CPQ: variants seen among roughly 807,000 people sequenced by gnomAD.
The protein encoded by CPQ is carboxypeptidase Q.
A neutral mutation model predicts 45.7 loss-of-function variants in CPQ; 37 were observed. The ratio of observed to expected loss-of-function variants is 0.81; its 90% confidence interval spans 0.62 to 1.07. The LOEUF is 1.07. CPQ is among the 50% of genes least tolerant of loss of function. The probability of loss-of-function intolerance (pLI) is 0.00; values close to 1 mark genes in which losing one functional copy is unlikely to be tolerated. For synonymous variants in CPQ, 186 were observed against 205.8 expected (o/e 0.90, Z 0.82); for missense variants, 537 against 572.9 (o/e 0.94, Z 0.64).
chr8:97,123,379 TATATG>T (rs1292946430), intron 7 of CPQ, among the ~76,000 whole-genome samples: 1 of 149,886 alleles, frequency 6.7e-6, no homozygotes, highest in African/African-American at 2.4e-5. Context: ...TAGGAAAAAA[TATATG>T]ATAATAGCAT....
intron 1 of CPQ, among the ~76,000 whole-genome samples, chr8:96,762,955 T>C (rs1231742313): frequency 6.6e-6 from 1 of 152,152 alleles, no homozygotes; most frequent in Non-Finnish European, 1.5e-5. Flanking sequence ...AAAATAGAAA[T>C]ATATTTTTTC....
chr8:96,768,469 G>A (rs977875423), intron 1 of CPQ, among the ~76,000 whole-genome samples: 1 of 152,134 alleles, frequency 6.6e-6, no homozygotes, highest in East Asian at 1.9e-4. Context: ...ATAAGTATGT[G>A]TGTGTTCCCG....
intron 1 of CPQ, among the ~76,000 whole-genome samples, chr8:96,675,952 A>G (rs112126966): frequency 0.024 from 3,682 of 152,042 alleles, 162 homozygotes; most frequent in African/African-American, 0.084. Context: ...GTAAGTTCCA[A>G]TTGGCTTTTT....
At chr8:96,672,527 T>G (rs1194796189) in intron 1 of CPQ, among the ~76,000 whole-genome samples, 1 of 151,332 alleles carries the variant, frequency 6.6e-6, no homozygotes, top group African/African-American at 2.4e-5. Context: ...GATTGGGGAG[T>G]TGTTTCAGTT....
intron 7 of CPQ, among the ~76,000 whole-genome samples, chr8:97,102,383 G>T (rs527721199): frequency 6.6e-6 from 1 of 152,296 alleles, no homozygotes; most frequent in African/African-American, 2.4e-5. Context: ...AGGAATAGGG[G>T]AGAGGTTCTG....
chr8:96,752,238 A>G (rs909887321), intron 1 of CPQ, among the ~76,000 whole-genome samples: 11 of 152,084 alleles, frequency 7.2e-5, no homozygotes, highest in African/African-American at 2.7e-4. Context: ...CATTTTGATG[A>G]TATTGATTCC....
intron 5 of CPQ, among the ~76,000 whole-genome samples, chr8:96,969,576 T>A (rs961136309): frequency 1.3e-5 from 2 of 151,528 alleles, no homozygotes; most frequent in Non-Finnish European, 3.0e-5. Context: ...TAAATAGAAA[T>A]TCCTGAGATG....
chr8:96,750,050 G>T (rs1420789425), intron 1 of CPQ, among the ~76,000 whole-genome samples: 1 of 151,784 alleles, frequency 6.6e-6, no homozygotes, highest in East Asian at 1.9e-4. Context: ...AGGGGTATAT[G>T]ATGTATTATC....
At chr8:97,044,473 T>C (rs1309066467) in intron 6 of CPQ, among the ~76,000 whole-genome samples, 2 of 152,236 alleles carry the variant, frequency 1.3e-5, no homozygotes, top group African/African-American at 4.8e-5. Context: ...TGAAGCCTTC[T>C]TCTCTCAACT....
intron 3 of CPQ, among the ~76,000 whole-genome samples, chr8:96,842,843 G>T (rs1040348103): frequency 6.6e-6 from 1 of 152,056 alleles, no homozygotes; most frequent in South Asian, 2.1e-4. Flanking sequence ...TCTGTAAAAT[G>T]GGGGAAATAT....
chr8:96,937,517 A>T (rs971875803), intron 4 of CPQ, among the ~76,000 whole-genome samples: 1 of 152,118 alleles, frequency 6.6e-6, no homozygotes, highest in Non-Finnish European at 1.5e-5. Flanking sequence ...GCAAGAGAGG[A>T]GATAGTAGTA....
intron 1 of CPQ, among the ~76,000 whole-genome samples, chr8:96,743,382 T>G (rs1338317124): frequency 2.6e-5 from 4 of 151,788 alleles, no homozygotes; most frequent in Non-Finnish European, 5.9e-5. Context: ...TTCTTCTAAA[T>G]TTTTTTCAAA....
chr8:97,063,129 C>T (rs1410670316), intron 6 of CPQ, among the ~76,000 whole-genome samples: 1 of 152,150 alleles, frequency 6.6e-6, no homozygotes, highest in East Asian at 1.9e-4. Context: ...TTCTCCTCAA[C>T]CTCACCAGCA....
At chr8:96,673,527 G>C (rs1489522077) in intron 1 of CPQ, among the ~76,000 whole-genome samples, 2 of 152,148 alleles carry the variant, frequency 1.3e-5, no homozygotes, top group Admixed American at 6.6e-5. Flanking sequence ...ACCGGAAGGG[G>C]TGTGTTGTAA....
intron 2 of CPQ, among the ~76,000 whole-genome samples, chr8:96,790,161 C>T (rs1250217857): frequency 6.6e-6 from 1 of 152,158 alleles, no homozygotes; most frequent in Non-Finnish European, 1.5e-5. Flanking sequence ...AATGAAGTCA[C>T]TAACATCAAT....
intron 2 of CPQ, among the ~76,000 whole-genome samples, chr8:96,811,881 A>G (rs1208682851): frequency 2.0e-5 from 3 of 152,192 alleles, no homozygotes; most frequent in Middle Eastern, 3.2e-3. Context: ...GGAGTTTCCC[A>G]TGAGTGACCG....
chr8:96,769,412 G>T (rs532748177), intron 1 of CPQ, among the ~76,000 whole-genome samples: 2 of 152,140 alleles, frequency 1.3e-5, no homozygotes, highest in East Asian at 3.9e-4. Context: ...CATGTGCTTA[G>T]TTATACCTGC....
chr8:96,707,398 C>CAAGGA (rs2130750618), intron 1 of CPQ, among the ~76,000 whole-genome samples: 1 of 152,216 alleles, frequency 6.6e-6, no homozygotes, highest in East Asian at 1.9e-4. Context: ...TCAAGCTTGT[C>CAAGGA]CAACCTGTGG....
intron 4 of CPQ, among the ~76,000 whole-genome samples, chr8:96,935,884 A>C (rs1025783874): frequency 7.9e-5 from 12 of 152,176 alleles, no homozygotes; most frequent in African/African-American, 2.7e-4. Context: ...ACATGTAGAC[A>C]ATTGTAAGTT....
Sources: gnomAD v4.1 joint callset for allele counts (sites outside exome capture counted in the v4.1 genomes callset) on GRCh38, gnomAD v4.1.1 for gene constraint, MANE v1.5 for transcripts, NCBI Gene and HGNC (gene_info 2026-07-23, HGNC 2026-07-21) for gene names.